Variants in DACH2 observed in about 807,000 individuals in gnomAD.
DACH2 encodes the protein dachshund family transcription factor 2, also known as dachshund homolog 2.
A neutral mutation model predicts 35.8 loss-of-function variants in DACH2; 17 were observed. That is an observed-to-expected ratio of 0.48 (90% confidence interval 0.33 to 0.71). The LOEUF is 0.71. Among genes scored for constraint, DACH2 ranks in the 30% least tolerant of loss-of-function variants. DACH2 has a pLI of 0.02. For missense variants in DACH2, 469 were observed against 472.7 expected (o/e 0.99, Z 0.07); for synonymous variants, 195 against 177.3 (o/e 1.10, Z -0.79).
At chrX:86,473,263 T>G (rs73522066) in intron 2 of DACH2, among the ~76,000 whole-genome samples, 15,296 of 110,658 alleles carry the variant, frequency 0.14, 898 homozygotes, top group East Asian at 0.27. Flanking sequence ...TATATAGTTA[T>G]GTGGTACATG....
At chrX:86,271,207 A>C (rs2033808777) in intron 1 of DACH2, among the ~76,000 whole-genome samples, 1 of 111,794 alleles carries the variant, frequency 8.9e-6, no homozygotes, top group Admixed American at 9.5e-5. Context: ...AAAAGAGAGG[A>C]CCATCAAGGC....
At chrX:86,738,172 C>T (rs1386035279) in intron 6 of DACH2, among the ~76,000 whole-genome samples, 1 of 111,725 alleles carries the variant, frequency 9.0e-6, no homozygotes, top group Non-Finnish European at 1.9e-5. Flanking sequence ...TGCAAAGTCC[C>T]TTTGGCCATG....
chrX:86,385,366 T>C (rs757365731), intron 2 of DACH2, among the ~76,000 whole-genome samples: 3 of 111,521 alleles, frequency 2.7e-5, no homozygotes, highest in African/African-American at 9.7e-5. Flanking sequence ...TTAAAAATGG[T>C]GTATACATAG....
chrX:86,757,901 T>A (rs2147279601), intron 7 of DACH2, among the ~76,000 whole-genome samples: 1 of 112,076 alleles, frequency 8.9e-6, no homozygotes, highest in South Asian at 3.7e-4. Context: ...TTTATAGCAG[T>A]GTGAGAATTT....
At chrX:86,511,271 T>C (rs1021964171) in intron 2 of DACH2, among the ~76,000 whole-genome samples, 8 of 111,871 alleles carry the variant, frequency 7.2e-5, no homozygotes, top group African/African-American at 2.6e-4. Flanking sequence ...CTATGGAGAA[T>C]CAGTAGGTCT....
intron 6 of DACH2, among the ~76,000 whole-genome samples, chrX:86,737,411 T>A (rs1288798552): frequency 8.9e-6 from 1 of 112,166 alleles, no homozygotes; most frequent in Non-Finnish European, 1.9e-5. Flanking sequence ...ACATTTAAAA[T>A]TATTGCTATT....
At chrX:86,690,972 A>G in intron 4 of DACH2, among the ~76,000 whole-genome samples, 1 of 112,126 alleles carries the variant, frequency 8.9e-6, no homozygotes, top group South Asian at 3.6e-4. Flanking sequence ...TATTCAGTTA[A>G]TGAGGATTTG....
intron 3 of DACH2, among the ~76,000 whole-genome samples, chrX:86,576,783 T>A (rs1328913124): frequency 1.8e-5 from 2 of 110,264 alleles, no homozygotes; most frequent in Non-Finnish European, 3.8e-5. Flanking sequence ...CCCTTGGGGG[T>A]GAGCTCTCTT....
intron 1 of DACH2, among the ~76,000 whole-genome samples, chrX:86,343,704 G>T (rs1171354872): frequency 9.0e-6 from 1 of 111,537 alleles, no homozygotes; most frequent in Non-Finnish European, 1.9e-5. Context: ...TTTGGCTGTA[G>T]ACTGAGGGTG....
chrX:86,190,482 T>C (rs1046258488), intron 1 of DACH2, among the ~76,000 whole-genome samples: 2 of 112,057 alleles, frequency 1.8e-5, no homozygotes, highest in Non-Finnish European at 3.8e-5. Flanking sequence ...TTCATTCATT[T>C]CCACTAATGC....
chrX:86,253,608 T>G (rs769135554), intron 1 of DACH2, among the ~76,000 whole-genome samples: 1 of 112,127 alleles, frequency 8.9e-6, no homozygotes, highest in African/African-American at 3.2e-5. Context: ...TAATGATTTT[T>G]ATGTCTTCAG....
chrX:86,253,186 T>A (rs2033436442), intron 1 of DACH2, among the ~76,000 whole-genome samples: 1 of 108,191 alleles, frequency 9.2e-6, no homozygotes. Flanking sequence ...AAAAATAAAT[T>A]AAAAAAAAAC....
At chrX:86,614,980 A>G (rs1446242534) in intron 3 of DACH2, among the ~76,000 whole-genome samples, 1 of 111,911 alleles carries the variant, frequency 8.9e-6, no homozygotes, top group Non-Finnish European at 1.9e-5. Context: ...CTTTTTTTCT[A>G]TACAAAGCCT....
At chrX:86,793,445 G>C (rs1168111658) in intron 7 of DACH2, among the ~76,000 whole-genome samples, 1 of 111,451 alleles carries the variant, frequency 9.0e-6, no homozygotes, top group Non-Finnish European at 1.9e-5. Flanking sequence ...TGGGATAAAG[G>C]AAGGATGTGG....
rs1302405072 is a variant in DACH2, at chrX:86,324,236, T to A, written c.489-52588T>A. On this transcript the variant is annotated intron_variant, in intron 1 of 11. Transcript: ENST00000373125. ...ATAACAGTAGAAAGAGCAAGAGAACTAGATTTAGAAGTGGAGCCTGAATAT... is the reference window on the plus strand; with the variant it reads ...ATAACAGTAGAAAGAGCAAGAGAACAAGATTTAGAAGTGGAGCCTGAATAT... Among the ~76,000 whole-genome samples, 6 of 111,831 alleles carry A rather than the reference T, an allele frequency of 5.4e-5. No individual in the cohort carries two copies. In the East Asian group the frequency reaches 1.4e-3, roughly 26 times the overall value.
intron 5 of DACH2, among the ~76,000 whole-genome samples, chrX:86,711,688 T>C (rs755048393): frequency 1.4e-4 from 16 of 112,149 alleles, no homozygotes; most frequent in Non-Finnish European, 3.0e-4. Context: ...AGAACTCATG[T>C]GTGGTCACTG....
intron 3 of DACH2, among the ~76,000 whole-genome samples, chrX:86,517,284 C>T (rs1246438901): frequency 9.0e-6 from 1 of 111,316 alleles, no homozygotes; most frequent in Non-Finnish European, 1.9e-5. Context: ...TTTGATTTAC[C>T]ACAAATCTAA....
At chrX:86,293,539 C>A (rs1275254684) in intron 1 of DACH2, among the ~76,000 whole-genome samples, 1 of 110,103 alleles carries the variant, frequency 9.1e-6, no homozygotes, top group Admixed American at 9.7e-5. Context: ...TACATTTTGG[C>A]ATGATTTGGC....
At chrX:86,804,487 C>T (rs1473198850) in intron 7 of DACH2, among the ~76,000 whole-genome samples, 1 of 111,344 alleles carries the variant, frequency 9.0e-6, no homozygotes, top group Admixed American at 9.5e-5. Context: ...ATCATTCTGC[C>T]CTGACCCCTC....
Sources: gnomAD v4.1 joint callset for allele counts (sites outside exome capture counted in the v4.1 genomes callset) on GRCh38, gnomAD v4.1.1 for gene constraint, MANE v1.5 for transcripts, NCBI Gene and HGNC (gene_info 2026-07-23, HGNC 2026-07-21) for gene names.